Variants in HMGCLL1 observed in about 807,000 individuals in gnomAD.
HMGCLL1 encodes the protein 3-hydroxymethyl-3-methylglutaryl-CoA lyase, cytoplasmic.
Under a neutral mutation model 39.1 loss-of-function variants are expected in HMGCLL1, and 36 were observed. That is an observed-to-expected ratio of 0.92 (90% CI 0.71 to 1.22). The LOEUF is 1.22. Ranked by LOEUF, HMGCLL1 falls within the 50% of genes most tolerant of loss-of-function variation. HMGCLL1 has a pLI of 0.00. For synonymous variants in HMGCLL1, 149 were observed against 144.0 expected (o/e 1.03, Z -0.25); for missense variants, 451 against 416.5 (o/e 1.08, Z -0.72).
the HMGCLL1 span, among the ~76,000 whole-genome samples, chr6:55,674,676 A>T: frequency 1.4e-5 from 2 of 147,952 alleles, no homozygotes; most frequent in African/African-American, 5.3e-5. Context: ...GACAATGATA[A>T]TGTTACTATA....
chr6:55,645,190 T>A, the HMGCLL1 span, among the ~76,000 whole-genome samples: 1 of 151,954 alleles, frequency 6.6e-6, no homozygotes, highest in Non-Finnish European at 1.5e-5. Context: ...TTTTACTTCT[T>A]TTTCACATTG....
chr6:55,459,124 A>C (rs528877455), intron 7 of HMGCLL1, among the ~76,000 whole-genome samples: 2 of 152,296 alleles, frequency 1.3e-5, no homozygotes, highest in South Asian at 2.1e-4. Flanking sequence ...CTTTTAGAAG[A>C]GCATTTGTAT....
intron 7 of HMGCLL1, chr6:55,439,825 G>A (rs771392049): frequency 3.0e-5 from 9 of 304,666 alleles, no homozygotes; most frequent in Non-Finnish European, 4.8e-5. Context: ...GTTGTTCGTT[G>A]GTAACAGCTC....
chr6:55,626,818 G>A, the HMGCLL1 span, among the ~76,000 whole-genome samples: 1 of 152,004 alleles, frequency 6.6e-6, no homozygotes, highest in African/African-American at 2.4e-5. Context: ...GGCTAAGAAA[G>A]GAGTCACAGT....
chr6:55,459,835 A>G (rs1764480610), intron 7 of HMGCLL1, among the ~76,000 whole-genome samples: 1 of 152,126 alleles, frequency 6.6e-6, no homozygotes, highest in Middle Eastern at 3.4e-3. Context: ...AGATAAATAT[A>G]TAGGTAGGTA....
At chr6:55,591,774 C>A in the HMGCLL1 span, among the ~76,000 whole-genome samples, 1 of 150,510 alleles carries the variant, frequency 6.6e-6, no homozygotes, top group Admixed American at 6.7e-5. Context: ...CTAAAGAATT[C>A]ATTAAAATGA....
chr6:55,552,884 G>A (rs953486779), intron 1 of HMGCLL1, among the ~76,000 whole-genome samples: 9 of 151,870 alleles, frequency 5.9e-5, no homozygotes, highest in Admixed American at 2.6e-4. Context: ...GCTCACACCT[G>A]TAATCCCAGC....
At chr6:55,547,541 T>G (rs1467534124) in intron 1 of HMGCLL1, among the ~76,000 whole-genome samples, 1 of 149,092 alleles carries the variant, frequency 6.7e-6, no homozygotes, top group Admixed American at 6.8e-5. Context: ...TTGAGAAGTA[T>G]TTTTTTGTGT....
chr6:55,461,463 G>T (rs999796762), intron 7 of HMGCLL1, among the ~76,000 whole-genome samples: 3 of 151,970 alleles, frequency 2.0e-5, no homozygotes, highest in Non-Finnish European at 4.4e-5. Flanking sequence ...GGGGGAGGCT[G>T]CTATCAAATA....
At chr6:55,674,107 T>C in the HMGCLL1 span, among the ~76,000 whole-genome samples, 1 of 152,012 alleles carries the variant, frequency 6.6e-6, no homozygotes, top group Non-Finnish European at 1.5e-5. Context: ...GTAATGTTTC[T>C]AGTTGAAAAT....
At chr6:55,656,485 C>T in the HMGCLL1 span, among the ~76,000 whole-genome samples, 1 of 152,050 alleles carries the variant, frequency 6.6e-6, no homozygotes, top group Admixed American at 6.6e-5. Context: ...GCACCATTAA[C>T]AGGCCTGGCC....
chr6:55,660,777 G>A, the HMGCLL1 span, among the ~76,000 whole-genome samples: 1 of 151,764 alleles, frequency 6.6e-6, no homozygotes, highest in Non-Finnish European at 1.5e-5. Context: ...TCTGTTTTTA[G>A]CTCTTTGAGG....
chr6:55,674,902 T>C, the HMGCLL1 span, among the ~76,000 whole-genome samples: 1 of 152,066 alleles, frequency 6.6e-6, no homozygotes. Context: ...ATCTGCTGAG[T>C]TGGCATAATG....
At chr6:55,536,704 CA>C (rs1486412766) in intron 3 of HMGCLL1, among the ~76,000 whole-genome samples, 1 of 151,836 alleles carries the variant, frequency 6.6e-6, no homozygotes, top group Non-Finnish European at 1.5e-5. Context: ...TTTTTAATGA[CA>C]GGTATTTTAT....
At chr6:55,665,926 T>A in the HMGCLL1 span, among the ~76,000 whole-genome samples, 1 of 151,750 alleles carries the variant, frequency 6.6e-6, no homozygotes, top group Non-Finnish European at 1.5e-5. Context: ...TTGGGCAAAT[T>A]GATAAATTAT....
rs1489373302 is a variant in HMGCLL1 at position 55,579,077 on chromosome 6, C to T, written c.-22G>A. The T allele has an allele frequency of 3.8e-6, 6 of 1,570,326 alleles. No homozygotes were observed. In the East Asian group the frequency reaches 1.2e-4, roughly 30 times the overall value. ...CCATGGCGGAGCCTGGGGCGGCAGT[C>T]GGCGAGGGGAGGGAGACTGGAGGAG... is the stretch of plus-strand genomic sequence containing the variant. On this transcript the variant is annotated 5_prime_UTR_variant, in exon 1 of 9. Transcript: ENST00000274901.
At chr6:55,523,380 T>C (rs915053504) in intron 3 of HMGCLL1, among the ~76,000 whole-genome samples, 1 of 152,004 alleles carries the variant, frequency 6.6e-6, no homozygotes, top group South Asian at 2.1e-4. Flanking sequence ...CAAATTGCTT[T>C]GACTGCTCTA....
At position 55,474,359 on chromosome 6, in the gene HMGCLL1, T is replaced by C. The variant is rs192447154; in HGVS notation, c.795+21060A>G. On this transcript the variant is annotated intron_variant, in intron 7 of 8. Transcript: ENST00000274901. ...CATTTCAGTTTTATGAAGTGTCTAC[T>C]GACATATTTTTCAGCTCACTGATTC... Among the ~76,000 whole-genome samples the C allele has an allele frequency of 7.3e-4, 111 of 151,738 alleles. 1 individual carries two copies. The East Asian group carries it at 0.021, about 28-fold the overall frequency.
At chr6:55,533,778 C>A (rs975953624) in intron 3 of HMGCLL1, among the ~76,000 whole-genome samples, 3 of 145,726 alleles carry the variant, frequency 2.1e-5, no homozygotes, top group Non-Finnish European at 3.0e-5. Flanking sequence ...CCCAGCTACT[C>A]GGGAGGCTGA....
Sources: gnomAD v4.1 joint callset for allele counts (sites outside exome capture counted in the v4.1 genomes callset) on GRCh38, gnomAD v4.1.1 for gene constraint, MANE v1.5 for transcripts, NCBI Gene and HGNC (gene_info 2026-07-23, HGNC 2026-07-21) for gene names.